The following SLC24A2 variants were observed in gnomAD, a reference collection of about 807,000 sequenced individuals.
SLC24A2 encodes solute carrier family 24 member 2.
In SLC24A2, 36 loss-of-function variants were observed where a neutral mutation model predicts 62.0. The ratio of observed to expected loss-of-function variants is 0.58; its 90% CI spans 0.44 to 0.77. The LOEUF is 0.77. Ranked by LOEUF, SLC24A2 falls within the 30% of genes least tolerant of loss-of-function variation. SLC24A2 has a pLI of 0.00. For synonymous variants in SLC24A2, 358 were observed against 294.0 expected (o/e 1.22, Z -2.23); for missense variants, 846 against 817.9 (o/e 1.03, Z -0.42).
intron 2 of SLC24A2, among the ~76,000 whole-genome samples, chr9:19,713,746 G>A (rs565545860): frequency 1.3e-5 from 2 of 152,214 alleles, no homozygotes; most frequent in East Asian, 3.9e-4. Context: ...ATTTAATCAT[G>A]TGCTGAAGTC....
chr9:20,267,066 A>AT, the SLC24A2 span, among the ~76,000 whole-genome samples: 2 of 152,008 alleles, frequency 1.3e-5, no homozygotes, highest in African/African-American at 4.8e-5. Context: ...ATGAAAAAAA[A>AT]AAAAAAGCTG....
At chr9:19,905,923 C>A in the SLC24A2 span, among the ~76,000 whole-genome samples, 3 of 152,108 alleles carry the variant, frequency 2.0e-5, no homozygotes, top group Admixed American at 6.5e-5. Context: ...ATCAACGAGA[C>A]AGAAAGTTAA....
At chr9:19,567,241 C>T (rs895196679) in intron 7 of SLC24A2, among the ~76,000 whole-genome samples, 1 of 149,830 alleles carries the variant, frequency 6.7e-6, no homozygotes, top group Admixed American at 6.6e-5. Context: ...TACTAAAAAA[C>T]GAGAAGTAAA....
At chr9:19,666,837 G>A (rs936374159) in intron 2 of SLC24A2, among the ~76,000 whole-genome samples, 4 of 152,062 alleles carry the variant, frequency 2.6e-5, no homozygotes, top group African/African-American at 9.7e-5. Flanking sequence ...CTTCCTAAGT[G>A]GGACTCTGTT....
the SLC24A2 span, among the ~76,000 whole-genome samples, chr9:20,030,125 C>T: frequency 6.6e-6 from 1 of 152,178 alleles, no homozygotes; most frequent in African/African-American, 2.4e-5. Context: ...GCATACAGCA[C>T]CACAGGCAGG....
intron 2 of SLC24A2, among the ~76,000 whole-genome samples, chr9:19,651,605 G>T (rs1281854433): frequency 6.6e-6 from 1 of 152,228 alleles, no homozygotes; most frequent in African/African-American, 2.4e-5. Flanking sequence ...TCCCTATAGT[G>T]TTAGTCTATG....
At chr9:20,227,566 T>G in the SLC24A2 span, among the ~76,000 whole-genome samples, 1 of 144,082 alleles carries the variant, frequency 6.9e-6, no homozygotes, top group African/African-American at 2.5e-5. Context: ...CTAAGCAGAA[T>G]GAAGATGACT....
the SLC24A2 span, among the ~76,000 whole-genome samples, chr9:19,896,135 C>T: frequency 6.6e-6 from 1 of 152,162 alleles, no homozygotes; most frequent in South Asian, 2.1e-4. Context: ...CAGCTCCTTT[C>T]CTTTCATGCC....
the SLC24A2 span, among the ~76,000 whole-genome samples, chr9:20,163,114 T>C: frequency 1.1e-4 from 17 of 152,228 alleles, no homozygotes; most frequent in African/African-American, 2.9e-4. Context: ...CAACATAGTG[T>C]TGGAAGTTCT....
chr9:20,100,402 C>T, the SLC24A2 span, among the ~76,000 whole-genome samples: 1 of 152,162 alleles, frequency 6.6e-6, no homozygotes, highest in African/African-American at 2.4e-5. Flanking sequence ...ATCTCTTTCT[C>T]AGGCAAGACT....
the SLC24A2 span, among the ~76,000 whole-genome samples, chr9:19,956,962 C>T: frequency 6.6e-6 from 1 of 152,186 alleles, no homozygotes; most frequent in Non-Finnish European, 1.5e-5. Context: ...TCTGTGGAGG[C>T]TTGGTCTTGG....
chr9:19,821,057 A>T, the SLC24A2 span, among the ~76,000 whole-genome samples: 1 of 151,992 alleles, frequency 6.6e-6, no homozygotes, highest in African/African-American at 2.4e-5. Context: ...AAAATGGTAA[A>T]TTTTTTTAGT....
the SLC24A2 span, among the ~76,000 whole-genome samples, chr9:20,167,350 T>A: frequency 6.6e-6 from 1 of 152,016 alleles, no homozygotes; most frequent in Admixed American, 6.6e-5. Flanking sequence ...TGAGTAAATG[T>A]GTTTGTGTTG....
the SLC24A2 span, among the ~76,000 whole-genome samples, chr9:19,818,335 C>G: frequency 4.6e-5 from 7 of 152,192 alleles, no homozygotes; most frequent in African/African-American, 1.7e-4. Context: ...CTGGAAAGGA[C>G]TTCAACTTCA....
chr9:19,874,519 A>T, the SLC24A2 span, among the ~76,000 whole-genome samples: 1 of 152,204 alleles, frequency 6.6e-6, no homozygotes, highest in Non-Finnish European at 1.5e-5. Context: ...CTGTACAGGA[A>T]ATTGGAAATT....
chr9:20,081,854 C>T, the SLC24A2 span, among the ~76,000 whole-genome samples: 2 of 152,092 alleles, frequency 1.3e-5, no homozygotes, highest in Non-Finnish European at 2.9e-5. Context: ...ATAACCTAAA[C>T]CCAACATAAA....
the SLC24A2 span, among the ~76,000 whole-genome samples, chr9:20,287,353 CG>C: frequency 6.6e-6 from 1 of 152,102 alleles, no homozygotes; most frequent in Admixed American, 6.6e-5. Flanking sequence ...TGGGAGGCTG[CG>C]GGAGGGTCAT....
the SLC24A2 span, among the ~76,000 whole-genome samples, chr9:20,033,685 C>T: frequency 2.0e-5 from 3 of 152,184 alleles, no homozygotes; most frequent in Admixed American, 1.3e-4. Flanking sequence ...AGTGCCCTGA[C>T]GGTTTAAGAT....
intron 2 of SLC24A2, among the ~76,000 whole-genome samples, chr9:19,656,098 T>C (rs1381615593): frequency 6.6e-6 from 1 of 152,170 alleles, no homozygotes; most frequent in Non-Finnish European, 1.5e-5. Context: ...CCTCAGACTG[T>C]CAGATTCAAT....
Sources: allele counts gnomAD v4.1 joint callset (sites outside exome capture counted in the v4.1 genomes callset), GRCh38; gene constraint gnomAD v4.1.1; transcripts MANE v1.5; gene names NCBI Gene and HGNC (gene_info 2026-07-23, HGNC 2026-07-21).